Variants in NCOR2 observed in about 807,000 individuals in gnomAD.
NCOR2 encodes the protein nuclear receptor corepressor 2.
NCOR2 carries 81 observed loss-of-function variants against 262.9 expected under a neutral mutation model. The observed-to-expected ratio is 0.31, with a 90% CI of 0.26 to 0.37. NCOR2 has a LOEUF of 0.37. Among genes scored for constraint, NCOR2 ranks in the 10% least tolerant of loss-of-function variants. The pLI is 1.00. For synonymous variants in NCOR2, 1,659 were observed against 1,559.3 expected (o/e 1.06, Z -1.51); for missense variants, 3,385 against 3,621.4 (o/e 0.93, Z 1.68).
chr12:124,565,141 G>A (rs2052194161), intron 1 of NCOR2, among the ~76,000 whole-genome samples: 1 of 152,154 alleles, frequency 6.6e-6, no homozygotes, highest in South Asian at 2.1e-4. Context: ...TCCCTCACCA[G>A]GGCCTGACAG....
At chr12:124,510,176 G>A (rs950459717) in intron 1 of NCOR2, among the ~76,000 whole-genome samples, 1 of 152,152 alleles carries the variant, frequency 6.6e-6, no homozygotes, top group Non-Finnish European at 1.5e-5. Context: ...CCTCAATCTG[G>A]AGCAGGTGGC....
chr12:124,344,635 G>T, exon 32 of NCOR2: 1 of 1,472,970 alleles, frequency 6.8e-7, no homozygotes, highest in Non-Finnish European at 9.1e-7. Flanking sequence ...CGTGGTCACG[G>T]GCGAACCTCG....
chr12:124,471,254 A>G (rs1036191421), intron 4 of NCOR2, among the ~76,000 whole-genome samples: 1 of 152,012 alleles, frequency 6.6e-6, no homozygotes, highest in Non-Finnish European at 1.5e-5. Context: ...CTGGAAGCCT[A>G]CTCTCACCAG....
chr12:124,333,658 T>TCCCC (rs2035443323), intron 41 of NCOR2, among the ~76,000 whole-genome samples: 1 of 69,510 alleles, frequency 1.4e-5, no homozygotes. Context: ...GCACACACAT[T>TCCCC]ACCCCCCCCG....
intron 1 of NCOR2, among the ~76,000 whole-genome samples, chr12:124,506,146 C>T (rs982885795): frequency 2.6e-5 from 4 of 152,158 alleles, no homozygotes; most frequent in Non-Finnish European, 4.4e-5. Flanking sequence ...CTCATGCTAA[C>T]ACCAGAGGCA....
intron 13 of NCOR2, 96 bp downstream of exon 15, chr12:124,419,861 G>T: frequency 9.0e-7 from 1 of 1,117,016 alleles, no homozygotes; most frequent in Non-Finnish European, 1.3e-6. Flanking sequence ...CATGGAGACA[G>T]TTACCGCCAG....
intron 1 of NCOR2, among the ~76,000 whole-genome samples, chr12:124,550,346 C>A (rs1037305709): frequency 7.9e-5 from 12 of 151,728 alleles, no homozygotes; most frequent in Admixed American, 4.6e-4. Flanking sequence ...AAGGCAGAGG[C>A]GGGACCTGAA....
chr12:124,400,619 G>C (rs2041941716), exon 15 of NCOR2: 1 of 1,614,182 alleles, frequency 6.2e-7, no homozygotes, highest in Non-Finnish European at 8.5e-7. Flanking sequence ...GGCCTTTGGA[G>C]GCCACAGCCT....
At position 124,566,717 on chromosome 12, in the gene NCOR2, G is replaced by A. The variant is rs889607068; in HGVS notation, c.-165+591C>T. Among the ~76,000 whole-genome samples, 4 of 152,194 alleles carry A rather than the reference G, an allele frequency of 2.6e-5. No individual in the cohort carries two copies. Among genetic ancestry groups the A allele is most frequent in the Non-Finnish European group, 4.4e-5 (3 of 68,024 alleles). Reference sequence around the variant, plus strand: ...GGCAGGCCCAGACACCAGGAACACCGGCCCGCGGGGGAGGGGGACCAGGGG... The same window carrying A: ...GGCAGGCCCAGACACCAGGAACACCAGCCCGCGGGGGAGGGGGACCAGGGG... On this transcript the variant is annotated intron_variant, in intron 1 of 32. Coordinates refer to the NCOR2 transcript ENST00000458234. This position sits in a 1 kb window ranked among gnomAD's most constrained non-coding sequence, Gnocchi z 4.3.
chr12:124,346,378 C>G (rs2036932007), intron 31 of NCOR2, among the ~76,000 whole-genome samples, 186 bp downstream of exon 33: 1 of 152,158 alleles, frequency 6.6e-6, no homozygotes, highest in African/African-American at 2.4e-5. Flanking sequence ...AGGTCAGGAG[C>G]CTGGTGCCCC....
chr12:124,330,954 C>T, intron 43 of NCOR2, 56 bp from the exon 46 acceptor site: 12 of 1,540,360 alleles, frequency 7.8e-6, no homozygotes, highest in Non-Finnish European at 1.1e-5. Flanking sequence ...ATTACCTGCC[C>T]TACCAGTCCC....
intron 1 of NCOR2, among the ~76,000 whole-genome samples, chr12:124,506,361 G>A (rs557979563): frequency 9.9e-5 from 15 of 152,232 alleles, no homozygotes; most frequent in Admixed American, 9.2e-4. Flanking sequence ...CGGAGCCTCC[G>A]AGGAGGCCCG....
Position 124,334,630 on chromosome 12 carries a change from G to T in NCOR2, c.6412-13C>A. On this transcript the variant is annotated splice_polypyrimidine_tract_variant and intron_variant, in intron 40 of 46. Coordinates refer to ENST00000405201, the Ensembl canonical transcript of NCOR2. Reference sequence around the variant, plus strand: ...GTGTGATGACCTCCTGCAGGCAAGTGGGGGGGCCCAGAGTCAGGCAGCACT... The same window carrying T: ...GTGTGATGACCTCCTGCAGGCAAGTTGGGGGGCCCAGAGTCAGGCAGCACT... 15 of 1,358,504 alleles carry T rather than the reference G, an allele frequency of 1.1e-5. No homozygotes were observed. Among genetic ancestry groups the T allele is most frequent in the Admixed American group, 3.5e-5 (1 of 28,294 alleles). The allele number at this position is 1,358,504 out of a possible 1,614,324, so 84.2% of individuals were successfully genotyped here.
At chr12:124,344,458 G>C in intron 32 of NCOR2, 139 bp downstream of exon 34, 1 of 780,634 alleles carries the variant, frequency 1.3e-6, no homozygotes, top group Non-Finnish European at 1.9e-6. Flanking sequence ...AGAGCCCACG[G>C]GCCTGCAGGT....
chr12:124,420,129 C>G, intron 12 of NCOR2, 74 bp from the exon 15 acceptor site: 1 of 1,278,776 alleles, frequency 7.8e-7, no homozygotes, highest in Admixed American at 1.7e-5. Context: ...GAGCTCACAT[C>G]CTGGGCTCAT....
At position 124,495,177 on chromosome 12, in the gene NCOR2, G is replaced by A. The variant is rs372443868; in HGVS notation, c.75C>T (p.Ser25=). The A allele has an allele frequency of 6.8e-6, 11 of 1,613,912 alleles. No homozygotes were observed. The highest frequency in any genetic ancestry group is 9.3e-6 in the Non-Finnish European group (11 of 1,179,974). The change falls in exon 1 of 47, where the codon TCC becomes TCT. Residue 25 remains serine, a synonymous_variant. Transcript: ENST00000405201. The surrounding 1 kb of genome is among the most constrained non-coding windows in gnomAD (Gnocchi z 4.4). ...GCGTCCGGGCGATCTGCACTGGGTA[G>A]GAAAGGCTGTGGGGCGGGTAGCGGG...
Position 124,503,813 on chromosome 12 carries a change from T to C in NCOR2, c.-117-8445A>G, listed in dbSNP as rs1001829960. ...ATGCACACACTCATCACCAGATGGG[T>C]ATCAACTTAGCTGCTTCATTTTCCG... On this transcript the variant is annotated intron_variant, in intron 1 of 46. Coordinates refer to the NCOR2 transcript ENST00000404621. This position sits in a 1 kb window ranked among gnomAD's most constrained non-coding sequence, Gnocchi z 4.3. Among the ~76,000 whole-genome samples the C allele has an allele frequency of 2.6e-5, 4 of 152,134 alleles. No homozygotes were observed. The highest frequency in any genetic ancestry group is 5.9e-5 in the Non-Finnish European group (4 of 68,006).
chr12:124,467,728 CA>C (rs2046534485), intron 4 of NCOR2, among the ~76,000 whole-genome samples: 1 of 140,642 alleles, frequency 7.1e-6, no homozygotes, highest in Non-Finnish European at 1.6e-5. Flanking sequence ...TCATCACCCT[CA>C]TCCTCATCAC....
intron 30 of NCOR2, among the ~76,000 whole-genome samples, chr12:124,347,123 C>G (rs2036997193): frequency 6.6e-6 from 1 of 152,244 alleles, no homozygotes; most frequent in African/African-American, 2.4e-5. Context: ...AATCCCAACA[C>G]TCTGGGGGGC....
Sources: gnomAD v4.1 joint callset for allele counts (sites outside exome capture counted in the v4.1 genomes callset) on GRCh38, gnomAD v4.1.1 for gene constraint, Gnocchi (gnomAD v3.1) non-coding constraint, MANE v1.5 for transcripts, NCBI Gene and HGNC (gene_info 2026-07-23, HGNC 2026-07-21) for gene names.